FAM219A: variants seen among roughly 807,000 people sequenced by gnomAD.
FAM219A encodes family with sequence similarity 219 member A, also known as protein FAM219A.
A neutral mutation model predicts 23.4 loss-of-function variants in FAM219A; 7 were observed. The ratio of observed to expected loss-of-function variants is 0.30; its 90% CI spans 0.17 to 0.56. The LOEUF is 0.56. Among genes scored for constraint, FAM219A ranks in the 20% least tolerant of loss-of-function variants. The pLI is 0.92. For synonymous variants in FAM219A, 93 were observed against 99.0 expected (o/e 0.94, Z 0.36); for missense variants, 166 against 246.9 (o/e 0.67, Z 2.20).
At chr9:34,435,497 C>T (rs1378652094) in intron 1 of FAM219A, among the ~76,000 whole-genome samples, 1 of 152,172 alleles carries the variant, frequency 6.6e-6, no homozygotes, top group East Asian at 1.9e-4. Flanking sequence ...AAGGTGAATA[C>T]AGAACATGAA....
chr9:34,404,094 T>C (rs918872582), intron 2 of FAM219A, among the ~76,000 whole-genome samples: 9 of 152,188 alleles, frequency 5.9e-5, no homozygotes, highest in African/African-American at 2.2e-4. Flanking sequence ...AAGATGTTAT[T>C]TTAAAAGCAT....
At chr9:34,441,244 T>C (rs983937822) in intron 1 of FAM219A, among the ~76,000 whole-genome samples, 1 of 152,182 alleles carries the variant, frequency 6.6e-6, no homozygotes, top group Non-Finnish European at 1.5e-5. Flanking sequence ...CTAAGAAATC[T>C]GTGGGAAGCA....
intron 1 of FAM219A, among the ~76,000 whole-genome samples, chr9:34,429,243 C>T (rs925152404): frequency 6.6e-6 from 1 of 152,194 alleles, no homozygotes; most frequent in African/African-American, 2.4e-5. Flanking sequence ...ATAATGCATG[C>T]CTTTGGGCTT....
intron 1 of FAM219A, among the ~76,000 whole-genome samples, chr9:34,448,239 G>T (rs1348395244): frequency 6.6e-6 from 1 of 152,164 alleles, no homozygotes; most frequent in Admixed American, 6.5e-5. Context: ...TTGCTTGGCT[G>T]GCTAACATCC....
chr9:34,416,953 G>A (rs751149196), intron 1 of FAM219A, among the ~76,000 whole-genome samples: 5 of 151,152 alleles, frequency 3.3e-5, no homozygotes, highest in Admixed American at 1.3e-4. Flanking sequence ...TCAGCTTCCC[G>A]TGTATCTGGG....
chr9:34,428,760 A>G (rs1222752341), intron 1 of FAM219A, among the ~76,000 whole-genome samples: 1 of 152,190 alleles, frequency 6.6e-6, no homozygotes, highest in Non-Finnish European at 1.5e-5. Context: ...AACAAAACCC[A>G]ACACAAACAA....
intron 1 of FAM219A, among the ~76,000 whole-genome samples, chr9:34,441,167 CAG>C: frequency 6.6e-6 from 1 of 152,342 alleles, no homozygotes. Flanking sequence ...GGGTCCTTGC[CAG>C]AGCCCAGGCT....
intron 1 of FAM219A, among the ~76,000 whole-genome samples, chr9:34,436,816 C>T (rs1382980865): frequency 2.0e-5 from 3 of 152,128 alleles, no homozygotes; most frequent in Non-Finnish European, 4.4e-5. Flanking sequence ...TCTTAATGTC[C>T]CTTTCCTTTC....
intron 1 of FAM219A, among the ~76,000 whole-genome samples, chr9:34,453,404 A>G (rs1226942206): frequency 1.3e-5 from 2 of 152,150 alleles, no homozygotes; most frequent in Non-Finnish European, 2.9e-5. Flanking sequence ...ATGTAGTCAG[A>G]GTCAGAATCT....
At chr9:34,414,174 A>AG (rs1406820290) in intron 1 of FAM219A, among the ~76,000 whole-genome samples, 11 of 152,230 alleles carry the variant, frequency 7.2e-5, no homozygotes, top group African/African-American at 2.7e-4. Flanking sequence ...TTCCCTGCAG[A>AG]GGGCTGTCCA....
At chr9:34,415,242 AAAAAGAAATGG>A (rs1229841793) in intron 1 of FAM219A, among the ~76,000 whole-genome samples, 13 of 152,192 alleles carry the variant, frequency 8.5e-5, no homozygotes, top group African/African-American at 3.1e-4. Context: ...CAAGTTCACC[AAAAAGAAATGG>A]GAAGGATTAT....
At chr9:34,450,668 G>A (rs1823533840) in intron 1 of FAM219A, among the ~76,000 whole-genome samples, 1 of 152,102 alleles carries the variant, frequency 6.6e-6, no homozygotes, top group Non-Finnish European at 1.5e-5. Context: ...CCACCGCCTC[G>A]GCCTCCCAAA....
chr9:34,425,338 G>A (rs1163321668), intron 1 of FAM219A, among the ~76,000 whole-genome samples: 1 of 151,962 alleles, frequency 6.6e-6, no homozygotes, highest in African/African-American at 2.4e-5. Flanking sequence ...AAATTAGCTG[G>A]ACATGGTGGT....
rs1823794494 is a variant in FAM219A, at chr9:34,457,596, T to A, written c.60+608A>T. 1 of 152,370 alleles carries A rather than the reference T, an allele frequency of 6.6e-6. No homozygotes were observed. The highest frequency in any genetic ancestry group is 1.5e-5 in the Non-Finnish European group (1 of 68,274). 9.4% of individuals were successfully genotyped at this position (152,370 alleles called of 1,614,324 possible). ...GATTCCCCATCTGGTCGCCGCGCAC[T>A]CTCCTTCCCGGTTTAGATGCCCCCA... On this transcript the variant is annotated intron_variant, in intron 1 of 5. Coordinates refer to ENST00000651358, the MANE Select transcript of FAM219A (RefSeq NM_001184940.2). The surrounding 1 kb of genome is among the most constrained non-coding windows in gnomAD (Gnocchi z 5.1).
intron 1 of FAM219A, among the ~76,000 whole-genome samples, chr9:34,434,159 G>A (rs1218077359): frequency 3.7e-5 from 5 of 134,370 alleles, no homozygotes; most frequent in East Asian, 2.2e-4. Flanking sequence ...CCAAGATCGC[G>A]CCACTGCACT....
intron 1 of FAM219A, among the ~76,000 whole-genome samples, chr9:34,437,966 C>T (rs1588063711): frequency 1.3e-5 from 2 of 152,204 alleles, no homozygotes; most frequent in Non-Finnish European, 2.9e-5. Flanking sequence ...GTGGCGCTTG[C>T]GGGCCACCTG....
At chr9:34,447,985 C>T (rs933060765) in intron 1 of FAM219A, among the ~76,000 whole-genome samples, 2 of 152,036 alleles carry the variant, frequency 1.3e-5, no homozygotes, top group East Asian at 1.9e-4. Flanking sequence ...CATCCTCCCA[C>T]CTCAGCCTCC....
In FAM219A at chr9:34,400,525, C is replaced by A; in HGVS notation, c.*439G>T. ...CCCGTCCCCACTGCCCTGGGCCTTTCTCCCTCCGAGCCCCTTTCCTGGTTA... is the reference window on the plus strand; with the variant it reads ...CCCGTCCCCACTGCCCTGGGCCTTTATCCCTCCGAGCCCCTTTCCTGGTTA... On this transcript the variant is annotated 3_prime_UTR_variant, in exon 6 of 6. Transcript: ENST00000651358. The A allele has an allele frequency of 6.3e-6, 1 of 158,122 alleles. No individual in the cohort carries two copies. Among genetic ancestry groups the A allele is most frequent in the Non-Finnish European group, 1.4e-5 (1 of 71,850 alleles). 9.8% of individuals were successfully genotyped at this position (158,122 alleles called of 1,614,324 possible).
Position 34,421,044 on chromosome 9 carries a change from G to GAGAGAGAGAGAC in FAM219A, c.61-15081_61-15080insGTCTCTCTCTCT, listed in dbSNP as rs770336544. 9.9e-3 allele frequency among the ~76,000 whole-genome samples: 1,457 copies of GAGAGAGAGAGAC among 146,730 alleles called. 15 individuals carry two copies. Among genetic ancestry groups the GAGAGAGAGAGAC allele is most frequent in the South Asian group, 0.015 (68 of 4,496 alleles). The stretch of plus-strand genomic sequence containing the variant: ...AGAGAGAGAGAGAGAGAGAGAGAGA[G>GAGAGAGAGAGAC]AATGGCTCTGCTGAAACAAATTTTG... On this transcript the variant is annotated intron_variant, in intron 1 of 5. Coordinates refer to ENST00000651358, the MANE Select transcript of FAM219A (RefSeq NM_001184940.2).
Sources: allele counts gnomAD v4.1 joint callset (sites outside exome capture counted in the v4.1 genomes callset), GRCh38; gene constraint gnomAD v4.1.1; non-coding constraint Gnocchi (gnomAD v3.1); transcripts MANE v1.5; gene names NCBI Gene and HGNC (gene_info 2026-07-23, HGNC 2026-07-21).